The following RBM27 variants were observed in gnomAD, a reference collection of about 807,000 sequenced individuals.
The protein encoded by RBM27 is RNA binding motif protein 27.
In RBM27, 22 loss-of-function variants were observed where a neutral mutation model predicts 135.3. That is an observed-to-expected ratio of 0.16 (90% CI 0.12 to 0.23). The LOEUF (loss-of-function observed/expected upper bound fraction) is 0.23. Among genes scored for constraint, RBM27 ranks in the 10% least tolerant of loss-of-function variants. RBM27 has a pLI of 1.00. For missense variants in RBM27, 1,009 were observed against 1,281.0 expected (o/e 0.79, Z 3.24); for synonymous variants, 481 against 442.4 (o/e 1.09, Z -1.10).
chr5:146,278,028 T>C (rs1009630256), intron 19 of RBM27, among the ~76,000 whole-genome samples: 1 of 152,210 alleles, frequency 6.6e-6, no homozygotes, highest in Non-Finnish European at 1.5e-5. Context: ...AAGGCATGCA[T>C]TGAAATTTTG....
intron 7 of RBM27, 23 bp from the exon 8 acceptor site, chr5:146,237,275 C>T (rs1419616472): frequency 6.2e-7 from 1 of 1,613,622 alleles, no homozygotes; most frequent in Middle Eastern, 1.7e-4. Flanking sequence ...CTGTACTTTT[C>T]ACTTTTTGTT....
At chr5:146,210,019 C>T (rs775752926) in intron 1 of RBM27, among the ~76,000 whole-genome samples, 11 of 152,156 alleles carry the variant, frequency 7.2e-5, no homozygotes, top group Admixed American at 1.3e-4. Context: ...TTCTCTTATC[C>T]TCTTACAGTG....
At chr5:146,255,916 C>G (rs1306455165) in intron 10 of RBM27, among the ~76,000 whole-genome samples, 1 of 149,762 alleles carries the variant, frequency 6.7e-6, no homozygotes, top group African/African-American at 2.5e-5. Flanking sequence ...AGTGCAGTGG[C>G]GTGATCCTGA....
At chr5:146,266,864 A>G (rs2126871418) in intron 14 of RBM27, among the ~76,000 whole-genome samples, 1 of 152,278 alleles carries the variant, frequency 6.6e-6, no homozygotes, top group East Asian at 1.9e-4. Flanking sequence ...CAAGAGATTG[A>G]GGCGCAGCAA....
chr5:146,253,846 C>T (rs1757998361), intron 9 of RBM27, among the ~76,000 whole-genome samples: 1 of 152,124 alleles, frequency 6.6e-6, no homozygotes, highest in Non-Finnish European at 1.5e-5. Flanking sequence ...GCCGTTGACT[C>T]AAATGCCTGT....
At chr5:146,221,908 A>G (rs1054438877) in intron 2 of RBM27, among the ~76,000 whole-genome samples, 13 of 152,162 alleles carry the variant, frequency 8.5e-5, no homozygotes, top group African/African-American at 2.7e-4. Flanking sequence ...TAAAAATTTA[A>G]TAGTGTACCT....
chr5:146,245,508 A>G (rs1017793436), intron 8 of RBM27, among the ~76,000 whole-genome samples: 1 of 152,196 alleles, frequency 6.6e-6, no homozygotes, highest in African/African-American at 2.4e-5. Flanking sequence ...CTTAATATAA[A>G]TTCACATAAA....
intron 10 of RBM27, 150 bp from the exon 11 acceptor site, chr5:146,258,299 G>A: frequency 2.0e-6 from 1 of 503,232 alleles, no homozygotes. Context: ...TATAGAAAAA[G>A]GCATTTGTAA....
intron 13 of RBM27, among the ~76,000 whole-genome samples, chr5:146,262,841 T>G (rs1009487642): frequency 6.6e-6 from 1 of 152,144 alleles, no homozygotes; most frequent in African/African-American, 2.4e-5. Context: ...TTATTCATAT[T>G]AAGCCACTGT....
chr5:146,257,194 A>G (rs1357682387), intron 10 of RBM27, among the ~76,000 whole-genome samples: 1 of 152,206 alleles, frequency 6.6e-6, no homozygotes, highest in African/African-American at 2.4e-5. Context: ...ACTCCTAACC[A>G]TATACCTACC....
chr5:146,213,773 A>C (rs527599141), intron 1 of RBM27, among the ~76,000 whole-genome samples: 2 of 152,342 alleles, frequency 1.3e-5, no homozygotes, highest in African/African-American at 4.8e-5. Context: ...TTTCATTAAA[A>C]GGGGAAAAAG....
At chr5:146,271,096 A>G (rs1285844820) in intron 18 of RBM27, 38 bp downstream of exon 18, 2 of 1,524,468 alleles carry the variant, frequency 1.3e-6, no homozygotes, top group East Asian at 2.3e-5. Context: ...ACCACATTTA[A>G]CGTCTCAAAA....
intron 14 of RBM27, among the ~76,000 whole-genome samples, chr5:146,264,253 G>C (rs890901686): frequency 1.3e-5 from 2 of 151,864 alleles, no homozygotes; most frequent in Non-Finnish European, 2.9e-5. Flanking sequence ...GCACAATCTC[G>C]GCTCACCGCA....
At chr5:146,251,199 T>C (rs1757870197) in intron 8 of RBM27, among the ~76,000 whole-genome samples, 4 of 152,206 alleles carry the variant, frequency 2.6e-5, no homozygotes, top group Non-Finnish European at 5.9e-5. Context: ...GGTATGCATA[T>C]AGTGGTTTGT....
chr5:146,242,085 C>A (rs551909074), intron 8 of RBM27, among the ~76,000 whole-genome samples: 3 of 151,928 alleles, frequency 2.0e-5, no homozygotes, highest in African/African-American at 7.2e-5. Context: ...CCATCACACA[C>A]GGCCTCAAGG....
At chr5:146,243,261 C>T (rs2087646401) in intron 8 of RBM27, among the ~76,000 whole-genome samples, 1 of 151,720 alleles carries the variant, frequency 6.6e-6, no homozygotes, top group Non-Finnish European at 1.5e-5. Context: ...AGCGAAACGC[C>T]ATCTCAAAAA....
chr5:146,232,687 G>T (rs1162612615), intron 6 of RBM27, among the ~76,000 whole-genome samples: 1 of 151,982 alleles, frequency 6.6e-6, no homozygotes, highest in African/African-American at 2.4e-5. Context: ...TCCTGCTTCA[G>T]CCTCCTGAGT....
chr5:146,225,482 A>G (rs1052432897), intron 3 of RBM27, among the ~76,000 whole-genome samples: 5 of 151,974 alleles, frequency 3.3e-5, no homozygotes, highest in East Asian at 1.9e-4. Context: ...TTATCTCATC[A>G]AGTTCTTTCA....
intron 1 of RBM27, among the ~76,000 whole-genome samples, chr5:146,217,662 A>ATTAG (rs1481601753): frequency 6.6e-6 from 1 of 151,764 alleles, no homozygotes; most frequent in Non-Finnish European, 1.5e-5. Flanking sequence ...ATAGAACAAG[A>ATTAG]TTAGTTAGAT....
Sources: gnomAD v4.1 joint callset for allele counts (sites outside exome capture counted in the v4.1 genomes callset) on GRCh38, gnomAD v4.1.1 for gene constraint, MANE v1.5 for transcripts, NCBI Gene and HGNC (gene_info 2026-07-23, HGNC 2026-07-21) for gene names.